The following ROBO1 variants were observed in gnomAD, a reference collection of about 807,000 sequenced individuals.
ROBO1 encodes roundabout guidance receptor 1.
Under a neutral mutation model 195.9 loss-of-function variants are expected in ROBO1, and 149 were observed. The ratio of observed to expected loss-of-function variants is 0.76; its 90% CI spans 0.67 to 0.87. ROBO1 has a LOEUF of 0.87. Ranked by LOEUF, ROBO1 falls within the 40% of genes least tolerant of loss-of-function variation. The probability of loss-of-function intolerance (pLI) is 0.00; values close to 1 mark genes in which losing one functional copy is unlikely to be tolerated. For synonymous variants in ROBO1, 816 were observed against 733.2 expected, an observed-to-expected ratio of 1.11 and a Z score of -1.82; for missense variants, 1,933 against 2,068.3, an observed-to-expected ratio of 0.93 and a Z score of 1.27.
chr3:78,898,323 C>CTA (rs368056708), intron 4 of ROBO1, among the ~76,000 whole-genome samples: 4 of 136,920 alleles, frequency 2.9e-5, no homozygotes, highest in Admixed American at 1.5e-4. Context: ...CCTCTATGGA[C>CTA]TATATATATA....
intron 3 of ROBO1, among the ~76,000 whole-genome samples, chr3:79,053,362 A>G (rs892278732): frequency 1.3e-5 from 2 of 151,770 alleles, no homozygotes; most frequent in African/African-American, 2.4e-5. Flanking sequence ...TCACCCCCCA[A>G]TGACCTTATT....
chr3:79,048,567 GA>G (rs1287965946), intron 3 of ROBO1, among the ~76,000 whole-genome samples: 4 of 152,096 alleles, frequency 2.6e-5, no homozygotes, highest in Non-Finnish European at 4.4e-5. Flanking sequence ...ACCATGTGCT[GA>G]CTGCCATTAT....
At position 78,684,221 on chromosome 3, in the gene ROBO1, C is replaced by G. The variant is rs560186881; in HGVS notation, c.1342+1525G>C. ...ATTTATGAGATGGAATACTACACAGCAACAAAAAAGAACCTAAGTGTATTT... is the reference window on the plus strand; with the variant it reads ...ATTTATGAGATGGAATACTACACAGGAACAAAAAAGAACCTAAGTGTATTT... On this transcript the variant is annotated intron_variant, in intron 10 of 30. Coordinates refer to ENST00000464233, the MANE Select transcript of ROBO1 (RefSeq NM_002941.4). 2.6e-5 allele frequency among the ~76,000 whole-genome samples: 4 copies of G among 151,840 alleles called. No individual in the cohort carries two copies. In the East Asian group the frequency reaches 5.8e-4, roughly 22 times the overall value.
intron 3 of ROBO1, among the ~76,000 whole-genome samples, chr3:79,051,919 G>A (rs568433410): frequency 6.6e-5 from 10 of 152,096 alleles, no homozygotes; most frequent in African/African-American, 7.2e-5. Context: ...ATCTTCCTAA[G>A]CTGAGGATGT....
intron 5 of ROBO1, among the ~76,000 whole-genome samples, chr3:78,729,316 T>G (rs1219692197): frequency 2.0e-5 from 3 of 152,186 alleles, no homozygotes; most frequent in African/African-American, 7.2e-5. Flanking sequence ...ATTTTCTTTG[T>G]GAAAGTATAA....
intron 20 of ROBO1, 121 bp from the exon 21 acceptor site, chr3:78,646,311 G>A (rs565934364): frequency 5.3e-6 from 4 of 756,302 alleles, no homozygotes; most frequent in African/African-American, 3.6e-5. Flanking sequence ...CAGAAGCATT[G>A]CAAAAATCAC....
chr3:79,372,117 T>C (rs2109341186), intron 2 of ROBO1, among the ~76,000 whole-genome samples: 1 of 152,132 alleles, frequency 6.6e-6, no homozygotes, highest in Admixed American at 6.5e-5. Flanking sequence ...CTGCCACTTA[T>C]CTCCTGCTAT....
Position 79,415,382 on chromosome 3 carries a change from T to C in ROBO1, c.88+174442A>G, listed in dbSNP as rs144400610. On this transcript the variant is annotated intron_variant, in intron 2 of 30. Coordinates refer to ENST00000464233, the MANE Select transcript of ROBO1 (RefSeq NM_002941.4). ...AGAAGATTTCCAGACATTATAACCATGGGACTTAATTTAAAGGTTCTTTGA... is the reference window on the plus strand; with the variant it reads ...AGAAGATTTCCAGACATTATAACCACGGGACTTAATTTAAAGGTTCTTTGA... Among the ~76,000 whole-genome samples, 183 of 152,212 alleles carry C rather than the reference T, an allele frequency of 1.2e-3. 1 individual carries two copies. The highest frequency in any genetic ancestry group is 4.2e-3 in the African/African-American group (176 of 41,560).
At chr3:78,610,927 T>C (rs1310693412) in intron 28 of ROBO1, among the ~76,000 whole-genome samples, 1 of 152,142 alleles carries the variant, frequency 6.6e-6, no homozygotes, top group Admixed American at 6.5e-5. Flanking sequence ...GGGATTATTA[T>C]AGTATAAACA....
At chr3:79,038,604 A>G (rs1183777177) in intron 3 of ROBO1, among the ~76,000 whole-genome samples, 1 of 151,302 alleles carries the variant, frequency 6.6e-6, no homozygotes, top group East Asian at 1.9e-4. Context: ...TCCTCATCTC[A>G]CCATTCTTTA....
intron 2 of ROBO1, among the ~76,000 whole-genome samples, chr3:79,176,245 T>G (rs2081260379): frequency 6.6e-6 from 1 of 152,192 alleles, no homozygotes; most frequent in Non-Finnish European, 1.5e-5. Flanking sequence ...TATTTGTCAC[T>G]GCTTATATCT....
At chr3:79,177,817 G>T (rs948326488) in intron 2 of ROBO1, among the ~76,000 whole-genome samples, 1 of 152,100 alleles carries the variant, frequency 6.6e-6, no homozygotes, top group African/African-American at 2.4e-5. Context: ...ATTACAACTT[G>T]ATGCTTATTC....
intron 22 of ROBO1, among the ~76,000 whole-genome samples, chr3:78,636,799 A>C (rs1186244586): frequency 6.6e-6 from 1 of 151,362 alleles, no homozygotes; most frequent in East Asian, 1.9e-4. Context: ...GAATCATAGT[A>C]ACCTGGGTAA....
At chr3:78,911,387 T>A (rs1393705785) in intron 4 of ROBO1, among the ~76,000 whole-genome samples, 1 of 152,050 alleles carries the variant, frequency 6.6e-6, no homozygotes, top group African/African-American at 2.4e-5. Flanking sequence ...TTTGAGTGGT[T>A]AAGTTTTAAA....
chr3:79,729,064 A>G (rs1703040331), intron 1 of ROBO1, among the ~76,000 whole-genome samples: 1 of 152,180 alleles, frequency 6.6e-6, no homozygotes, highest in South Asian at 2.1e-4. Flanking sequence ...TCCGTAGCAC[A>G]TTTTATTTGA....
chr3:79,325,578 G>A (rs1468296141), intron 2 of ROBO1, among the ~76,000 whole-genome samples: 2 of 152,196 alleles, frequency 1.3e-5, no homozygotes, highest in African/African-American at 2.4e-5. Flanking sequence ...GCAGAAGAAC[G>A]TGGATTGTGA....
intron 3 of ROBO1, among the ~76,000 whole-genome samples, chr3:79,068,678 T>C (rs1329119386): frequency 6.6e-6 from 1 of 151,842 alleles, no homozygotes; most frequent in Non-Finnish European, 1.5e-5. Context: ...CATGACTTTC[T>C]CTCTACCTAA....
At chr3:79,557,478 T>TAATCCCAC (rs1942743441) in intron 2 of ROBO1, among the ~76,000 whole-genome samples, 1 of 151,942 alleles carries the variant, frequency 6.6e-6, no homozygotes, top group Non-Finnish European at 1.5e-5. Flanking sequence ...CTCATGCCTG[T>TAATCCCAC]AATCCCACCA....
At chr3:79,515,442 CTTA>C (rs2107556385) in intron 2 of ROBO1, among the ~76,000 whole-genome samples, 1 of 152,302 alleles carries the variant, frequency 6.6e-6, no homozygotes, top group Admixed American at 6.5e-5. Flanking sequence ...TCATATAACA[CTTA>C]TTATAAAGAT....
Sources: allele counts gnomAD v4.1 joint callset (sites outside exome capture counted in the v4.1 genomes callset), GRCh38; gene constraint gnomAD v4.1.1; transcripts MANE v1.5; gene names NCBI Gene and HGNC (gene_info 2026-07-23, HGNC 2026-07-21).